Variants in PTPRM observed in about 807,000 individuals in gnomAD.
The protein encoded by PTPRM is protein tyrosine phosphatase receptor type M.
Under a neutral mutation model 186.7 loss-of-function variants are expected in PTPRM, and 47 were observed. That is an observed-to-expected ratio of 0.25 (90% confidence interval 0.20 to 0.32). PTPRM has a LOEUF of 0.32. PTPRM is among the 10% of genes least tolerant of loss of function. The pLI is 1.00. For synonymous variants in PTPRM, 668 were observed against 674.9 expected, an observed-to-expected ratio of 0.99 and a Z score of 0.16; for missense variants, 1,494 against 1,865.0, an observed-to-expected ratio of 0.80 and a Z score of 3.66.
rs1216564771 is a variant in PTPRM at position 7,655,843 on chromosome 18, A to G, written c.73+87952A>G. Among the ~76,000 whole-genome samples the G allele has an allele frequency of 5.9e-5, 9 of 152,230 alleles. No individual in the cohort carries two copies. The East Asian group carries it at 1.7e-3, about 29-fold the overall frequency. On this transcript the variant is annotated intron_variant, in intron 1 of 32. Transcript: ENST00000580170. The stretch of plus-strand genomic sequence containing the variant: ...CTCACATTTTCGAAAAGGCAAAACT[A>G]TGTACATAGGAAAAAGATAAGTATT...
intron 19 of PTPRM, among the ~76,000 whole-genome samples, chr18:8,263,593 G>C (rs1339402130): frequency 1.3e-5 from 2 of 152,108 alleles, no homozygotes; most frequent in African/African-American, 4.8e-5. Flanking sequence ...ACTTAGAGTG[G>C]AGCCCTTAGC....
chr18:7,838,662 TC>T (rs2046176886), intron 2 of PTPRM, among the ~76,000 whole-genome samples: 1 of 152,196 alleles, frequency 6.6e-6, no homozygotes, highest in South Asian at 2.1e-4. Flanking sequence ...TTGTAAGAAC[TC>T]CCTGGCTATC....
At chr18:8,126,727 T>G (rs1476711984) in intron 13 of PTPRM, among the ~76,000 whole-genome samples, 2 of 152,184 alleles carry the variant, frequency 1.3e-5, no homozygotes, top group East Asian at 3.9e-4. Context: ...TGATTGGATC[T>G]TAGCCACACT....
chr18:8,114,504 CCTTTA>C (rs2091883993), intron 12 of PTPRM, among the ~76,000 whole-genome samples: 1 of 152,096 alleles, frequency 6.6e-6, no homozygotes, highest in African/African-American at 2.4e-5. Context: ...CAGATCTGGT[CCTTTA>C]CTTTACCTCC....
intron 1 of PTPRM, among the ~76,000 whole-genome samples, chr18:7,637,601 T>C (rs1478834419): frequency 6.6e-6 from 1 of 152,198 alleles, no homozygotes; most frequent in African/African-American, 2.4e-5. Context: ...ATGGTATGTT[T>C]TATATTCTTT....
chr18:7,676,073 G>C (rs2039329220), intron 1 of PTPRM, among the ~76,000 whole-genome samples: 1 of 151,996 alleles, frequency 6.6e-6, no homozygotes, highest in Admixed American at 6.6e-5. Flanking sequence ...ATGGATGTAT[G>C]GGTGATACTG....
intron 1 of PTPRM, among the ~76,000 whole-genome samples, chr18:7,618,486 T>C (rs911252832): frequency 9.2e-5 from 14 of 152,108 alleles, no homozygotes; most frequent in African/African-American, 3.4e-4. Flanking sequence ...AGTAGTAAAT[T>C]GAGGATGTGA....
chr18:7,895,846 T>G (rs2049326256), intron 3 of PTPRM, among the ~76,000 whole-genome samples: 1 of 152,236 alleles, frequency 6.6e-6, no homozygotes, highest in Admixed American at 6.5e-5. Flanking sequence ...CACAGTTTTT[T>G]CCTCTAGCTT....
intron 1 of PTPRM, among the ~76,000 whole-genome samples, chr18:7,660,806 C>T (rs1351332173): frequency 6.6e-6 from 1 of 151,870 alleles, no homozygotes; most frequent in Non-Finnish European, 1.5e-5. Flanking sequence ...CTTGTCTCTA[C>T]CAAAAAACAG....
intron 19 of PTPRM, among the ~76,000 whole-genome samples, chr18:8,262,196 GGGCCT>G (rs1296443727): frequency 3.3e-5 from 5 of 152,048 alleles, no homozygotes; most frequent in African/African-American, 1.2e-4. Context: ...CCCTCCCCTA[GGGCCT>G]GCCCTGATCA....
intron 7 of PTPRM, among the ~76,000 whole-genome samples, chr18:8,034,474 A>AT (rs1291913330): frequency 6.6e-6 from 1 of 152,178 alleles, no homozygotes; most frequent in Non-Finnish European, 1.5e-5. Context: ...CTAAAAAAAA[A>AT]GTTATCTGCT....
chr18:7,599,079 C>T (rs2037337373), intron 1 of PTPRM, among the ~76,000 whole-genome samples: 1 of 151,990 alleles, frequency 6.6e-6, no homozygotes, highest in Admixed American at 6.6e-5. Flanking sequence ...ATTTCTTGGC[C>T]TCAACCAGAT....
chr18:8,107,057 C>T (rs1568351978), intron 11 of PTPRM, among the ~76,000 whole-genome samples: 3 of 152,156 alleles, frequency 2.0e-5, no homozygotes, highest in Non-Finnish European at 4.4e-5. Context: ...ATAGTATTCT[C>T]TTTCTATTTT....
chr18:7,660,981 G>T (rs1277540328), intron 1 of PTPRM, among the ~76,000 whole-genome samples: 1 of 148,740 alleles, frequency 6.7e-6, no homozygotes, highest in Admixed American at 6.8e-5. Context: ...AAAAAAGAAA[G>T]AAAAAAAAAG....
intron 10 of PTPRM, among the ~76,000 whole-genome samples, chr18:8,088,361 G>T (rs950008099): frequency 1.4e-4 from 21 of 152,178 alleles, no homozygotes; most frequent in African/African-American, 5.1e-4. Context: ...TCCTAAATAT[G>T]CCTTTAGCAT....
At chr18:8,184,255 A>G (rs1208252739) in intron 14 of PTPRM, among the ~76,000 whole-genome samples, 3 of 152,174 alleles carry the variant, frequency 2.0e-5, no homozygotes, top group African/African-American at 7.2e-5. Flanking sequence ...TGGAGCACGA[A>G]TAAATCTGTT....
At chr18:8,238,895 G>T (rs2094382721) in intron 14 of PTPRM, among the ~76,000 whole-genome samples, 1 of 151,364 alleles carries the variant, frequency 6.6e-6, no homozygotes, top group East Asian at 1.9e-4. Flanking sequence ...TGGCTAACGT[G>T]GGATGGAGTT....
chr18:8,187,894 C>T (rs1166129497), intron 14 of PTPRM, among the ~76,000 whole-genome samples: 2 of 152,226 alleles, frequency 1.3e-5, no homozygotes, highest in Non-Finnish European at 2.9e-5. Context: ...ACATCTTGCT[C>T]ATTCCATTCG....
At chr18:8,305,840 T>A (rs1486795197) in intron 20 of PTPRM, among the ~76,000 whole-genome samples, 1 of 152,212 alleles carries the variant, frequency 6.6e-6, no homozygotes, top group Non-Finnish European at 1.5e-5. Flanking sequence ...TCTTTGTGCT[T>A]TGAAGATTTT....
Sources: allele counts gnomAD v4.1 joint callset (sites outside exome capture counted in the v4.1 genomes callset), GRCh38; gene constraint gnomAD v4.1.1; transcripts MANE v1.5; gene names NCBI Gene and HGNC (gene_info 2026-07-23, HGNC 2026-07-21).